RFX2: variants seen among roughly 807,000 people sequenced by gnomAD.
RFX2 encodes the protein DNA-binding protein RFX2.
A neutral mutation model predicts 87.8 loss-of-function variants in RFX2; 20 were observed. That is an observed-to-expected ratio of 0.23 (90% CI 0.16 to 0.33). RFX2 has a LOEUF of 0.33. Among genes scored for constraint, RFX2 ranks in the 10% least tolerant of loss-of-function variants. The probability of loss-of-function intolerance (pLI) is 1.00; values close to 1 mark genes in which losing one functional copy is unlikely to be tolerated. For synonymous variants in RFX2, 397 were observed against 431.3 expected (o/e 0.92, Z 0.98); for missense variants, 767 against 1,012.3 (o/e 0.76, Z 3.29).
chr19:6,048,487 G>C (rs935628413), intron 1 of RFX2, among the ~76,000 whole-genome samples: 25 of 152,196 alleles, frequency 1.6e-4, no homozygotes, highest in African/African-American at 6.0e-4. Flanking sequence ...CACTTAGGTA[G>C]GGAGGTGGCT....
Position 6,016,045 on chromosome 19 carries a change from G to A in RFX2, c.779+45C>T. 2 of 1,519,856 alleles carry A rather than the reference G, an allele frequency of 1.3e-6. No individual in the cohort carries two copies. The highest frequency in any genetic ancestry group is 1.8e-6 in the Non-Finnish European group (2 of 1,128,980). 94.1% of individuals were successfully genotyped at this position (1,519,856 alleles called of 1,614,324 possible). A position where few individuals can be genotyped will look rare whatever the true frequency, so the allele number is the denominator to read the frequency against. ...ATTTTCCCAAAAGCTCCATTTCTTG[G>A]GAAAGGAAGAGGAAGAACAGGTGGG... On this transcript the variant is annotated intron_variant, in intron 7 of 17. Transcript: ENST00000303657. The surrounding 1 kb of genome is among the most constrained non-coding windows in gnomAD (Gnocchi z 5.4).
chr19:6,089,596 C>G (rs1012925350), intron 1 of RFX2, among the ~76,000 whole-genome samples: 1 of 152,158 alleles, frequency 6.6e-6, no homozygotes, highest in African/African-American at 2.4e-5. Flanking sequence ...CCCCAGAGAC[C>G]TCCCCTGCCC....
intron 5 of RFX2, among the ~76,000 whole-genome samples, chr19:6,028,497 A>G (rs1435764458): frequency 6.6e-6 from 1 of 152,248 alleles, no homozygotes; most frequent in African/African-American, 2.4e-5. Context: ...GCAATGTGGA[A>G]TCTGAAACCA....
intron 1 of RFX2, among the ~76,000 whole-genome samples, chr19:6,100,758 T>C (rs1033731917): frequency 6.6e-6 from 1 of 151,468 alleles, no homozygotes. Flanking sequence ...GTCTTTTCTT[T>C]TGCATGCTGA....
chr19:6,070,899 G>A (rs149768514), intron 1 of RFX2, among the ~76,000 whole-genome samples: 1 of 152,136 alleles, frequency 6.6e-6, no homozygotes, highest in Non-Finnish European at 1.5e-5. Flanking sequence ...CAAACAAATT[G>A]TAGTAGCAAG....
At chr19:5,996,905 G>C (rs1271331469) in intron 16 of RFX2, among the ~76,000 whole-genome samples, 155 bp downstream of exon 16, 1 of 152,218 alleles carries the variant, frequency 6.6e-6, no homozygotes, top group African/African-American at 2.4e-5. Flanking sequence ...GGGTGGGCCC[G>C]TTTCTGTGGC....
intron 1 of RFX2, among the ~76,000 whole-genome samples, chr19:6,067,026 T>A (rs1172742520): frequency 6.6e-6 from 1 of 152,120 alleles, no homozygotes; most frequent in Non-Finnish European, 1.5e-5. Context: ...GGGAAAACAG[T>A]TTACCATATT....
chr19:6,000,015 G>T (rs2086470074), intron 15 of RFX2, among the ~76,000 whole-genome samples: 4 of 151,614 alleles, frequency 2.6e-5, no homozygotes, highest in African/African-American at 9.7e-5. Flanking sequence ...ATGGAGTTTG[G>T]CTCCTGTTGC....
At position 6,052,251 on chromosome 19, in the gene RFX2, T is replaced by C. The variant is rs149944251; in HGVS notation, c.-8-4747A>G. Among the ~76,000 whole-genome samples the C allele has an allele frequency of 6.0e-4, 92 of 152,202 alleles. 1 individual carries two copies. Among genetic ancestry groups the C allele is most frequent in the African/African-American group, 2.2e-3 (91 of 41,532 alleles). On this transcript the variant is annotated intron_variant, in intron 1 of 17. Coordinates refer to ENST00000303657, the MANE Select transcript of RFX2 (RefSeq NM_000635.4). ...TAGACTCTGAGATGAGAAATATTACTAGCAATACTAGAGACATTGACAAGA... is the reference window on the plus strand; with the variant it reads ...TAGACTCTGAGATGAGAAATATTACCAGCAATACTAGAGACATTGACAAGA...
rs543449122 is a variant in RFX2, at chr19:6,045,877, G to C, written c.90+1530C>G. 2.5e-4 allele frequency among the ~76,000 whole-genome samples: 38 copies of C among 152,116 alleles called. 1 individual carries two copies. In the South Asian group the frequency reaches 7.7e-3, roughly 31 times the overall value. ...TTATTTTTTGTATTTAGTAGACACA[G>C]GGTTTCACCATGTTACTCAGACTGG... On this transcript the variant is annotated intron_variant, in intron 2 of 17. Coordinates refer to ENST00000303657, the MANE Select transcript of RFX2 (RefSeq NM_000635.4). This position sits in a 1 kb window ranked among gnomAD's most constrained non-coding sequence, Gnocchi z 5.2.
At chr19:6,100,132 T>C (rs2088095883) in intron 1 of RFX2, among the ~76,000 whole-genome samples, 2 of 152,142 alleles carry the variant, frequency 1.3e-5, no homozygotes, top group African/African-American at 4.8e-5. Flanking sequence ...AAGAGTAGGA[T>C]TTTCTTCAGT....
In RFX2 at chr19:6,047,291, G is replaced by A. The variant is rs747671911; in HGVS notation, c.90+116C>T. The A allele has an allele frequency of 1.0e-5, 8 of 784,766 alleles. No homozygotes were observed. The highest frequency in any genetic ancestry group is 1.6e-5 in the Non-Finnish European group (8 of 502,392). The allele number at this position is 784,766 out of a possible 1,614,324, so 48.6% of individuals were successfully genotyped here. On this transcript the variant is annotated intron_variant, in intron 2 of 17. Coordinates refer to ENST00000303657, the MANE Select transcript of RFX2 (RefSeq NM_000635.4). This position sits in a 1 kb window ranked among gnomAD's most constrained non-coding sequence, Gnocchi z 4.2. The stretch of plus-strand genomic sequence containing the variant: ...TCAACAGCAGCAGCACTGGGACTGA[G>A]AAGTCCATTCAGAAAAATACAGATT...
rs987418312 is a variant in RFX2, at chr19:6,040,374, G to A, written c.261-133C>T. On this transcript the variant is annotated intron_variant, in intron 4 of 17. Coordinates refer to ENST00000303657, the MANE Select transcript of RFX2 (RefSeq NM_000635.4). The surrounding 1 kb of genome is among the most constrained non-coding windows in gnomAD (Gnocchi z 6.1). ...GCCAGACATATGGAGCAATTCGGACGTGGCATATGACACTCAAATGCAGCG... is the reference window on the plus strand; with the variant it reads ...GCCAGACATATGGAGCAATTCGGACATGGCATATGACACTCAAATGCAGCG... 21 of 901,146 alleles carry A rather than the reference G, an allele frequency of 2.3e-5. No homozygotes were observed. In the African/African-American group the frequency reaches 2.5e-4, roughly 11 times the overall value. The allele number at this position is 901,146 out of a possible 1,614,324, so 55.8% of individuals were successfully genotyped here.
Position 6,024,943 on chromosome 19 carries a change from ATCACGGTGAGGACGGGAGTCAGGACG to A in RFX2, c.597+1194_597+1219del, listed in dbSNP as rs1171693932. Among the ~76,000 whole-genome samples, 1 of 151,810 alleles carries A rather than the reference ATCACGGTGAGGACGGGAGTCAGGACG, an allele frequency of 6.6e-6. No homozygotes were observed. On this transcript the variant is annotated intron_variant, in intron 6 of 17. Transcript: ENST00000303657. The surrounding 1 kb of genome is among the most constrained non-coding windows in gnomAD (Gnocchi z 5.0). ...CGGTGAGGACGGGAGTCAGGACGGG[ATCACGGTGAGGACGGGAGTCAGGACG>A]GGATCACGGTGATGACTGGGGTCCA... is the stretch of plus-strand genomic sequence containing the variant.
chr19:6,011,606 G>A lies in RFX2; in HGVS notation c.900-1355C>T, dbSNP rs1447750112. Among the ~76,000 whole-genome samples, 3 of 152,206 alleles carry A rather than the reference G, an allele frequency of 2.0e-5. No homozygotes were observed. The highest frequency in any genetic ancestry group is 4.4e-5 in the Non-Finnish European group (3 of 68,046). On this transcript the variant is annotated intron_variant, in intron 8 of 17. Coordinates refer to ENST00000303657, the MANE Select transcript of RFX2 (RefSeq NM_000635.4). This position sits in a 1 kb window ranked among gnomAD's most constrained non-coding sequence, Gnocchi z 4.8. ...CTGGAGCACAGGTTCACAGCTGTCT[G>A]CCAGGGGCCCAAATTGAACAACAGC...
intron 1 of RFX2, among the ~76,000 whole-genome samples, chr19:6,098,409 A>T (rs1442517406): frequency 6.6e-6 from 1 of 151,942 alleles, no homozygotes; most frequent in Non-Finnish European, 1.5e-5. Flanking sequence ...ACCTGTAAAG[A>T]GGCCGCAAGA....
intron 1 of RFX2, among the ~76,000 whole-genome samples, chr19:6,048,924 A>ACGGCC (rs1046479080): frequency 1.3e-4 from 5 of 39,316 alleles, no homozygotes; most frequent in Non-Finnish European, 1.4e-4. Flanking sequence ...CCAGAGCCCC[A>ACGGCC]CGGCCAGTGC....
intron 17 of RFX2, among the ~76,000 whole-genome samples, chr19:5,995,223 G>A (rs2086389238): frequency 1.3e-5 from 2 of 152,190 alleles, no homozygotes; most frequent in Admixed American, 6.5e-5. Flanking sequence ...GCTCCCCACA[G>A]GGCTGGGGCC....
intron 1 of RFX2, among the ~76,000 whole-genome samples, chr19:6,062,942 A>G (rs1241902671): frequency 1.3e-5 from 2 of 152,094 alleles, no homozygotes; most frequent in Non-Finnish European, 2.9e-5. Flanking sequence ...CGCATATTCA[A>G]TATCTGCTCG....
Sources: allele counts gnomAD v4.1 joint callset (sites outside exome capture counted in the v4.1 genomes callset), GRCh38; gene constraint gnomAD v4.1.1; non-coding constraint Gnocchi (gnomAD v3.1); transcripts MANE v1.5; gene names NCBI Gene and HGNC (gene_info 2026-07-23, HGNC 2026-07-21).